The following DNAH11 variants were observed in gnomAD, a reference collection of about 807,000 sequenced individuals.
DNAH11 encodes dynein axonemal heavy chain 11.
DNAH11 carries 442 observed loss-of-function variants against 526.0 expected under a neutral mutation model. The observed-to-expected ratio is 0.84, with a 90% confidence interval of 0.78 to 0.91. The LOEUF is 0.91. Among genes scored for constraint, DNAH11 ranks in the 40% least tolerant of loss-of-function variants. DNAH11 has a pLI of 0.00. For missense variants in DNAH11, 6,989 were observed against 5,448.7 expected (o/e 1.28, Z -8.90); for synonymous variants, 2,461 against 1,935.9 (o/e 1.27, Z -7.12).
At chr7:21,827,940 T>C (rs1790380071) in intron 65 of DNAH11, among the ~76,000 whole-genome samples, 1 of 151,970 alleles carries the variant, frequency 6.6e-6, no homozygotes, top group South Asian at 2.1e-4. Flanking sequence ...CTTACGGATT[T>C]TTTTTTTAAT....
At chr7:21,852,418 A>AAG in intron 66 of DNAH11, 49 bp from the exon 67 acceptor site, 1 of 1,544,068 alleles carries the variant, frequency 6.5e-7, no homozygotes, top group Non-Finnish European at 8.7e-7. Flanking sequence ...AAAAAAAAAA[A>AAG]AAAAAGTACT....
chr7:21,793,397 C>G (rs1041719548), intron 61 of DNAH11, among the ~76,000 whole-genome samples: 10 of 152,110 alleles, frequency 6.6e-5, no homozygotes, highest in Non-Finnish European at 2.9e-5. Context: ...GTGGGCAGAT[C>G]ATGAGGTCAG....
intron 31 of DNAH11, among the ~76,000 whole-genome samples, chr7:21,683,490 A>G (rs1339181766): frequency 6.6e-6 from 1 of 150,966 alleles, no homozygotes; most frequent in Non-Finnish European, 1.5e-5. Flanking sequence ...ATATGAGTAT[A>G]AAGTTACAAG....
intron 57 of DNAH11, among the ~76,000 whole-genome samples, chr7:21,781,171 T>A (rs1393232300): frequency 6.6e-6 from 1 of 152,230 alleles, no homozygotes; most frequent in Non-Finnish European, 1.5e-5. Context: ...TTTCTGGTCC[T>A]ATGAAATTGG....
intron 32 of DNAH11, among the ~76,000 whole-genome samples, chr7:21,685,407 G>A (rs186295905): frequency 2.0e-4 from 31 of 152,282 alleles, no homozygotes; most frequent in African/African-American, 7.0e-4. Context: ...TCACCATGTG[G>A]GTTTTTTGGG....
chr7:21,550,825 G>A (rs1437592053), intron 2 of DNAH11, among the ~76,000 whole-genome samples: 1 of 152,164 alleles, frequency 6.6e-6, no homozygotes, highest in East Asian at 1.9e-4. Flanking sequence ...CTTCCACCCA[G>A]CCAGAAAGGT....
At chr7:21,794,962 C>A (rs1788648766) in intron 61 of DNAH11, among the ~76,000 whole-genome samples, 2 of 152,108 alleles carry the variant, frequency 1.3e-5, no homozygotes, top group South Asian at 4.1e-4. Flanking sequence ...GACGTTCTTT[C>A]TTCTGCTGCT....
At chr7:21,776,810 A>G (rs1319311927) in intron 56 of DNAH11, among the ~76,000 whole-genome samples, 2 of 152,176 alleles carry the variant, frequency 1.3e-5, no homozygotes, top group Non-Finnish European at 2.9e-5. Context: ...CATAGTACAG[A>G]CAGGTCCCTG....
rs775360474 is a variant in DNAH11 at position 21,687,222 on chromosome 7, T to G, written c.5745T>G (p.Tyr1915Ter). ...GACGTGCCCTTGGCATGATGGTCTA[T>G]GTATTCAACTGTTCAGAGCAAATGG... ...DLGRALGMMVYVFNCSEQMDY... is the reference protein window; with the variant it reads ...DLGRALGMMV Residue 1915 changes from tyrosine to a stop codon, truncating the protein, a stop_gained, in exon 33 of 82, where the codon TAT becomes TAG. Transcript: ENST00000409508. LOFTEE classifies it high-confidence loss of function. The G allele has an allele frequency of 1.2e-6, 2 of 1,601,742 alleles. No homozygotes were observed. Among genetic ancestry groups the G allele is most frequent in the South Asian group, 1.1e-5 (1 of 88,392 alleles).
At chr7:21,759,601 A>G (rs950464473) in intron 54 of DNAH11, among the ~76,000 whole-genome samples, 3 of 152,190 alleles carry the variant, frequency 2.0e-5, no homozygotes, top group Non-Finnish European at 4.4e-5. Context: ...TTGAGGATAA[A>G]TGCAAATGTA....
At chr7:21,896,099 C>G (rs1036172882) in intron 79 of DNAH11, among the ~76,000 whole-genome samples, 1 of 152,210 alleles carries the variant, frequency 6.6e-6, no homozygotes. Context: ...TCCTTCTGGT[C>G]TGGAATTGTA....
intron 65 of DNAH11, among the ~76,000 whole-genome samples, chr7:21,828,923 A>G (rs1790426959): frequency 6.6e-6 from 1 of 152,084 alleles, no homozygotes; most frequent in Admixed American, 6.6e-5. Context: ...ACTCATTTCT[A>G]TTCAGGGTTT....
Position 21,877,736 on chromosome 7 carries a change from G to A in DNAH11, c.12196-2966G>A, listed in dbSNP as rs182670224. Among the ~76,000 whole-genome samples, 356 of 151,984 alleles carry A rather than the reference G, an allele frequency of 2.3e-3. 2 individuals carry two copies. The highest frequency in any genetic ancestry group is 4.3e-3 in the Admixed American group (66 of 15,280). Reference sequence around the variant, plus strand: ...TAAAAATACAAAAAATTAGCCAGGCGTGGTGGTGGGCGCCTGTAGTCCCAG... The same window carrying A: ...TAAAAATACAAAAAATTAGCCAGGCATGGTGGTGGGCGCCTGTAGTCCCAG... On this transcript the variant is annotated intron_variant, in intron 74 of 81. Coordinates refer to ENST00000409508, the MANE Select transcript of DNAH11 (RefSeq NM_001277115.2).
At chr7:21,714,613 G>A (rs764089) in intron 42 of DNAH11, among the ~76,000 whole-genome samples, 56,177 of 151,852 alleles carry the variant, frequency 0.37, 11,165 homozygotes, top group African/African-American at 0.5. Flanking sequence ...AGCGAATCTC[G>A]TAAGTCTCAG....
intron 28 of DNAH11, among the ~76,000 whole-genome samples, chr7:21,647,430 T>TC (rs201928297): frequency 0.048 from 6,888 of 142,628 alleles, 443 homozygotes; most frequent in Admixed American, 0.19. Context: ...TTTCTTTCTT[T>TC]TTTTTTTTTT....
In DNAH11 at chr7:21,637,657, C is replaced by T. The variant is rs778000913; in HGVS notation, c.4772C>T (p.Thr1591Met). The T allele has an allele frequency of 2.8e-5, 44 of 1,587,476 alleles. No homozygotes were observed. The highest frequency in any genetic ancestry group is 1.5e-4 in the South Asian group (13 of 86,538). Residue 1591 changes from threonine (T) to methionine (M), a missense_variant, in exon 27 of 82, where the codon ACG becomes ATG. By Grantham distance (81) the Thr-to-Met change is moderately conservative. Transcript: ENST00000409508. ...TAKVENVLEA[T>M]CRPNLYEKLK... ...AAAGTAGAAAATGTGTTAGAAGCAA[C>T]GTGCAGACCTAATCTCTATGAAAAA... is the stretch of plus-strand genomic sequence containing the variant.
rs546673875 is a variant in DNAH11, at chr7:21,713,859, G to T, written c.6983+1999G>T. On this transcript the variant is annotated intron_variant, in intron 42 of 81. Transcript: ENST00000409508. ...GGAGTGATTTTCAAAAGTCTTAAATGGAGTGTTTTTCTTGGGATAATAACT... is the reference window on the plus strand; with the variant it reads ...GGAGTGATTTTCAAAAGTCTTAAATTGAGTGTTTTTCTTGGGATAATAACT... Among the ~76,000 whole-genome samples the T allele has an allele frequency of 2.6e-5, 4 of 152,266 alleles. No individual in the cohort carries two copies. In the East Asian group the frequency reaches 7.7e-4, roughly 29 times the overall value.
intron 35 of DNAH11, among the ~76,000 whole-genome samples, chr7:21,691,434 C>A (rs892600257): frequency 1.3e-5 from 2 of 151,816 alleles, no homozygotes; most frequent in Admixed American, 1.3e-4. Flanking sequence ...TCTCCTTGGG[C>A]TCAAGGGACA....
chr7:21,863,099 G>A lies in DNAH11; in HGVS notation c.11373+1076G>A, dbSNP rs573055355. On this transcript the variant is annotated intron_variant, in intron 69 of 81. Coordinates refer to ENST00000409508, the MANE Select transcript of DNAH11 (RefSeq NM_001277115.2). ...AAAAAAGAAAAAGAAAAGAAAAAGC[G>A]TTCGTGATAAGAAAAAAGAAACCCT... Among the ~76,000 whole-genome samples, 4 of 150,614 alleles carry A rather than the reference G, an allele frequency of 2.7e-5. No homozygotes were observed. The South Asian group carries it at 6.3e-4, about 24-fold the overall frequency.
Sources: allele counts gnomAD v4.1 joint callset (sites outside exome capture counted in the v4.1 genomes callset), GRCh38; gene constraint gnomAD v4.1.1; transcripts MANE v1.5; gene names NCBI Gene and HGNC (gene_info 2026-07-23, HGNC 2026-07-21).